CSMD1: variants seen among roughly 807,000 people sequenced by gnomAD.
CSMD1 encodes CUB and Sushi multiple domains 1.
A neutral mutation model predicts 417.5 loss-of-function variants in CSMD1; 213 were observed. The observed-to-expected ratio is 0.51, with a 90% CI of 0.46 to 0.57. The LOEUF (loss-of-function observed/expected upper bound fraction) is 0.57. Ranked by LOEUF, CSMD1 falls within the 20% of genes least tolerant of loss-of-function variation. CSMD1 has a pLI of 0.00. For missense variants in CSMD1, 6,923 were observed against 4,529.7 expected (o/e 1.53, Z -15.17); for synonymous variants, 2,862 against 1,736.8 (o/e 1.65, Z -16.11).
intron 3 of CSMD1, among the ~76,000 whole-genome samples, chr8:4,409,116 G>A (rs1396182389): frequency 1.3e-5 from 2 of 151,922 alleles, no homozygotes; most frequent in East Asian, 1.9e-4. Flanking sequence ...ATCTGCATAT[G>A]GCTATAAATT....
chr8:4,202,145 T>C (rs1799692000), intron 3 of CSMD1, among the ~76,000 whole-genome samples: 1 of 152,172 alleles, frequency 6.6e-6, no homozygotes, highest in African/African-American at 2.4e-5. Flanking sequence ...AATCAGCCAT[T>C]TCTAGGACGG....
intron 2 of CSMD1, among the ~76,000 whole-genome samples, chr8:4,563,722 T>C (rs1428944265): frequency 6.6e-6 from 1 of 152,190 alleles, no homozygotes; most frequent in Non-Finnish European, 1.5e-5. Context: ...ATTGCAACTG[T>C]AGAAAATGTG....
intron 3 of CSMD1, among the ~76,000 whole-genome samples, chr8:4,339,005 CA>C (rs1800328850): frequency 6.6e-6 from 1 of 152,094 alleles, no homozygotes; most frequent in Non-Finnish European, 1.5e-5. Flanking sequence ...CTGTGAAAAG[CA>C]AGGCTTTTCT....
intron 2 of CSMD1, among the ~76,000 whole-genome samples, chr8:4,567,793 A>G (rs895560884): frequency 2.6e-4 from 39 of 152,320 alleles, no homozygotes; most frequent in Admixed American, 1.1e-3. Context: ...CGTATACCAG[A>G]AAGGAAAAAA....
At chr8:4,666,698 T>A (rs1393716203) in intron 1 of CSMD1, among the ~76,000 whole-genome samples, 1 of 152,224 alleles carries the variant, frequency 6.6e-6, no homozygotes, top group Non-Finnish European at 1.5e-5. Flanking sequence ...ATTTTTTATT[T>A]TAAAATGTGC....
chr8:4,562,249 A>G (rs969666926), intron 2 of CSMD1, among the ~76,000 whole-genome samples: 4 of 152,178 alleles, frequency 2.6e-5, no homozygotes, highest in African/African-American at 4.8e-5. Context: ...CCACACGGGA[A>G]ATACACAGGC....
chr8:4,395,521 C>G (rs1804142278), intron 3 of CSMD1, among the ~76,000 whole-genome samples: 1 of 151,178 alleles, frequency 6.6e-6, no homozygotes, highest in Admixed American at 6.6e-5. Context: ...ACCAGTTCCC[C>G]ACCTACTGTT....
chr8:3,412,806 T>G (rs979679173), intron 12 of CSMD1, among the ~76,000 whole-genome samples: 1 of 152,202 alleles, frequency 6.6e-6, no homozygotes, highest in Non-Finnish European at 1.5e-5. Context: ...TGGATTTACT[T>G]AAATTTAATG....
chr8:3,936,712 A>T (rs1006481618), intron 5 of CSMD1, among the ~76,000 whole-genome samples: 1 of 152,222 alleles, frequency 6.6e-6, no homozygotes, highest in Non-Finnish European at 1.5e-5. Flanking sequence ...ATCTACTAGG[A>T]GATTAATGTT....
At chr8:4,282,749 T>A (rs1466954761) in intron 3 of CSMD1, among the ~76,000 whole-genome samples, 1 of 152,208 alleles carries the variant, frequency 6.6e-6, no homozygotes, top group Non-Finnish European at 1.5e-5. Context: ...AGCAATAGTA[T>A]GTTTAAATGG....
chr8:3,214,501 G>A lies in CSMD1; in HGVS notation c.4863C>T (p.Cys1621=), dbSNP rs1797782911. The A allele has an allele frequency of 6.3e-7, 1 of 1,591,080 alleles. No individual in the cohort carries two copies. Among genetic ancestry groups the A allele is most frequent in the Non-Finnish European group, 8.6e-7 (1 of 1,168,758 alleles). ...KPSWDQVLPS[C]NAPCGGQYTG... is the part of the protein sequence containing the mutation. ...AATACCCAAGCGTGCACTCACCATT[G>A]CAGGAGGGCAGCACTTGGTCCCAGG... The change falls in exon 30 of 70, where the codon TGC becomes TGT. Residue 1621 remains cysteine (C), a synonymous_variant. Transcript: ENST00000635120.
At chr8:4,926,261 G>A (rs963538800) in intron 1 of CSMD1, among the ~76,000 whole-genome samples, 27 of 152,176 alleles carry the variant, frequency 1.8e-4, no homozygotes, top group African/African-American at 5.6e-4. Context: ...ATAAATGGAT[G>A]TATCACAGAG....
At chr8:4,379,648 T>C (rs562370016) in intron 3 of CSMD1, among the ~76,000 whole-genome samples, 1 of 151,760 alleles carries the variant, frequency 6.6e-6, no homozygotes, top group African/African-American at 2.4e-5. Flanking sequence ...ATGAGTCTGC[T>C]GGACTTTTTT....
intron 3 of CSMD1, among the ~76,000 whole-genome samples, chr8:4,184,493 A>C (rs1370253108): frequency 2.0e-5 from 3 of 152,240 alleles, no homozygotes; most frequent in African/African-American, 4.8e-5. Flanking sequence ...TGGATAAAGA[A>C]AATGTGGCAT....
chr8:4,854,688 A>C (rs1199581771), intron 1 of CSMD1, among the ~76,000 whole-genome samples: 1 of 152,178 alleles, frequency 6.6e-6, no homozygotes, highest in Middle Eastern at 3.2e-3. Context: ...TCCCACCCGA[A>C]TACTGCCCTT....
At chr8:3,626,111 G>A (rs1796480105) in intron 7 of CSMD1, among the ~76,000 whole-genome samples, 1 of 152,122 alleles carries the variant, frequency 6.6e-6, no homozygotes, top group African/African-American at 2.4e-5. Flanking sequence ...GATTCCACAT[G>A]GTGCTCTGAG....
At chr8:3,637,922 C>T (rs187734190) in intron 7 of CSMD1, among the ~76,000 whole-genome samples, 28 of 152,262 alleles carry the variant, frequency 1.8e-4, no homozygotes, top group African/African-American at 5.8e-4. Context: ...TCTTGATTGC[C>T]GCCATGTAAG....
intron 3 of CSMD1, among the ~76,000 whole-genome samples, chr8:4,204,736 C>T (rs528826659): frequency 6.6e-4 from 101 of 152,296 alleles, no homozygotes; most frequent in African/African-American, 2.3e-3. Context: ...CTCACTGCAG[C>T]CTCAACCTCC....
chr8:4,753,673 C>G (rs74563983), intron 1 of CSMD1, among the ~76,000 whole-genome samples: 1 of 152,154 alleles, frequency 6.6e-6, no homozygotes, highest in South Asian at 2.1e-4. Flanking sequence ...TTCTCAGGTT[C>G]CCTGGTGTCT....
Sources: allele counts gnomAD v4.1 joint callset (sites outside exome capture counted in the v4.1 genomes callset), GRCh38; gene constraint gnomAD v4.1.1; transcripts MANE v1.5; gene names NCBI Gene and HGNC (gene_info 2026-07-23, HGNC 2026-07-21).